Variants in PRTG observed in about 807,000 individuals in gnomAD.
PRTG encodes protogenin.
A neutral mutation model predicts 122.5 loss-of-function variants in PRTG; 67 were observed. That is an observed-to-expected ratio of 0.55 (90% CI 0.45 to 0.67). The LOEUF (loss-of-function observed/expected upper bound fraction) is 0.67. Ranked by LOEUF, PRTG falls within the 30% of genes least tolerant of loss-of-function variation. The pLI is 0.00. For synonymous variants in PRTG, 554 were observed against 501.1 expected (o/e 1.11, Z -1.41); for missense variants, 1,435 against 1,415.4 (o/e 1.01, Z -0.22).
At position 55,743,149 on chromosome 15, in the gene PRTG, G is replaced by A. The variant is rs1282618318; in HGVS notation, c.-218C>T. On this transcript the variant is annotated 5_prime_UTR_variant, in exon 1 of 20. Coordinates refer to ENST00000389286, the MANE Select transcript of PRTG (RefSeq NM_173814.6). ...GGGCCTGAGAGTCCGGCTGGGGGCG[G>A]AGTGAGGCGGCGGCTGCAGAGGGCG... 8.0e-7 allele frequency: 1 copy of A among 1,243,802 alleles called. No individual in the cohort carries two copies. Among genetic ancestry groups the A allele is most frequent in the Admixed American group, 4.4e-5 (1 of 22,950 alleles). The allele number at this position is 1,243,802 out of a possible 1,614,324, so 77.0% of individuals were successfully genotyped here.
At chr15:55,670,377 C>G (rs1487083549) in intron 11 of PRTG, among the ~76,000 whole-genome samples, 3 of 152,096 alleles carry the variant, frequency 2.0e-5, no homozygotes, top group Non-Finnish European at 2.9e-5. Flanking sequence ...AAGTAGTAAG[C>G]TTGATCTATG....
At chr15:55,638,453 C>G in intron 14 of PRTG, 96 bp downstream of exon 14, 1 of 873,118 alleles carries the variant, frequency 1.1e-6, no homozygotes, top group African/African-American at 1.8e-5. Flanking sequence ...TAGGTGGCAA[C>G]TAGGGTAGTA....
chr15:55,721,524 T>C (rs2030822904), intron 2 of PRTG, among the ~76,000 whole-genome samples: 1 of 152,216 alleles, frequency 6.6e-6, no homozygotes, highest in South Asian at 2.1e-4. Flanking sequence ...ATACGTACCG[T>C]GTTGTTTCTT....
rs1596006613 is a variant in PRTG, at chr15:55,614,466, G to C, written c.*5546C>G. On this transcript the variant is annotated 3_prime_UTR_variant, in exon 20 of 20. Transcript: ENST00000389286. ...AAAAGAAAACAAAGAATAAACTTGA[G>C]CATGGTCCTGTTCATCACTCTGAGT... The C allele has an allele frequency of 6.6e-6, 1 of 152,088 alleles. No homozygotes were observed. The allele number at this position is 152,088 out of a possible 1,614,324, so 9.4% of individuals were successfully genotyped here.
intron 13 of PRTG, among the ~76,000 whole-genome samples, chr15:55,639,021 G>A (rs1289984470): frequency 1.3e-5 from 2 of 152,128 alleles, no homozygotes; most frequent in Admixed American, 6.5e-5. Flanking sequence ...ATTCAGGCTA[G>A]AGTGCAGTAG....
In PRTG at chr15:55,707,860, G is replaced by C. The variant is rs1031306724; in HGVS notation, c.398-23929C>G. ...GCATTCAGGACCAACTGTAAAGCTA[G>C]ATTTCCCAACTTTGTGCAGAGTTCT... On this transcript the variant is annotated intron_variant, in intron 2 of 19. Coordinates refer to ENST00000389286, the MANE Select transcript of PRTG (RefSeq NM_173814.6). 2.0e-5 allele frequency among the ~76,000 whole-genome samples: 3 copies of C among 152,274 alleles called. No individual in the cohort carries two copies. In the East Asian group the frequency reaches 5.8e-4, roughly 29 times the overall value.
chr15:55,718,128 A>G (rs1381935364), intron 2 of PRTG, among the ~76,000 whole-genome samples: 1 of 151,720 alleles, frequency 6.6e-6, no homozygotes. Context: ...ACCTCTTTCA[A>G]CTCACACCTA....
At chr15:55,738,002 C>CTATA (rs1178371931) in intron 2 of PRTG, among the ~76,000 whole-genome samples, 20 of 96,682 alleles carry the variant, frequency 2.1e-4, no homozygotes, top group East Asian at 3.2e-4. Flanking sequence ...CTCTCTCTCT[C>CTATA]TATATATATA....
At chr15:55,726,121 T>C (rs184938762) in intron 2 of PRTG, among the ~76,000 whole-genome samples, 90 of 152,270 alleles carry the variant, frequency 5.9e-4, no homozygotes, top group Middle Eastern at 3.4e-3. Context: ...TTTTGTATTT[T>C]TAGTCGAGAC....
intron 17 of PRTG, among the ~76,000 whole-genome samples, chr15:55,626,666 G>A (rs780809722): frequency 6.6e-6 from 1 of 151,310 alleles, no homozygotes; most frequent in Non-Finnish European, 1.5e-5. Context: ...ACTGAGGCAG[G>A]AGAATGGCAT....
intron 11 of PRTG, 103 bp from the exon 12 acceptor site, chr15:55,641,311 G>A (rs184212777): frequency 4.3e-6 from 3 of 700,672 alleles, no homozygotes; most frequent in East Asian, 5.3e-5. Flanking sequence ...CCTGCTGAAT[G>A]CATAAAAGTT....
chr15:55,685,209 T>G (rs1448598305), intron 2 of PRTG, among the ~76,000 whole-genome samples: 1 of 152,194 alleles, frequency 6.6e-6, no homozygotes, highest in African/African-American at 2.4e-5. Flanking sequence ...TTATGCTTCA[T>G]TAGGCTGAAA....
intron 11 of PRTG, among the ~76,000 whole-genome samples, chr15:55,647,345 T>C (rs2059329913): frequency 6.6e-6 from 1 of 152,082 alleles, no homozygotes; most frequent in South Asian, 2.1e-4. Flanking sequence ...CAGGTATCAA[T>C]AAACATTTAT....
At chr15:55,634,453 C>T (rs1407122566) in intron 15 of PRTG, among the ~76,000 whole-genome samples, 2 of 152,180 alleles carry the variant, frequency 1.3e-5, no homozygotes, top group African/African-American at 2.4e-5. Flanking sequence ...TTAATACTTA[C>T]AACACCTCAT....
At chr15:55,731,520 ACC>A (rs1212880201) in intron 2 of PRTG, among the ~76,000 whole-genome samples, 1 of 151,152 alleles carries the variant, frequency 6.6e-6, no homozygotes, top group African/African-American at 2.4e-5. Flanking sequence ...ACAGGCACAC[ACC>A]ACCACACCCA....
intron 7 of PRTG, 75 bp downstream of exon 7, chr15:55,679,211 T>G: frequency 1.1e-6 from 1 of 933,566 alleles, no homozygotes; most frequent in Non-Finnish European, 1.6e-6. Context: ...TTTGATATTA[T>G]TATAACCATT....
chr15:55,642,944 C>G (rs571257338), intron 11 of PRTG, among the ~76,000 whole-genome samples: 2 of 152,098 alleles, frequency 1.3e-5, no homozygotes, highest in East Asian at 3.9e-4. Flanking sequence ...TGTGGTGGTG[C>G]ATGCCATAGT....
rs189251032 is a variant in PRTG at position 55,694,747 on chromosome 15, A to G, written c.398-10816T>C. 3.4e-3 allele frequency among the ~76,000 whole-genome samples: 517 copies of G among 152,302 alleles called. 7 individuals carry two copies. The highest frequency in any genetic ancestry group is 8.7e-4 in the Non-Finnish European group (59 of 68,022). ...CTTCAGTCTGCAAACTATTTTCAGT[A>G]TTATCAAAATATTTTGCATTTATTT... On this transcript the variant is annotated intron_variant, in intron 2 of 19. Coordinates refer to ENST00000389286, the MANE Select transcript of PRTG (RefSeq NM_173814.6).
chr15:55,717,500 C>A (rs1186020868), intron 2 of PRTG, among the ~76,000 whole-genome samples: 1 of 152,104 alleles, frequency 6.6e-6, no homozygotes, highest in African/African-American at 2.4e-5. Context: ...TTTATTCTTC[C>A]AAAGAAAGAA....
Sources: gnomAD v4.1 joint callset for allele counts (sites outside exome capture counted in the v4.1 genomes callset) on GRCh38, gnomAD v4.1.1 for gene constraint, MANE v1.5 for transcripts, NCBI Gene and HGNC (gene_info 2026-07-23, HGNC 2026-07-21) for gene names.